FSTL5: variants seen among roughly 807,000 people sequenced by gnomAD.
FSTL5 encodes follistatin like 5, also known as follistatin-related protein 5.
A neutral mutation model predicts 89.1 loss-of-function variants in FSTL5; 62 were observed. The ratio of observed to expected loss-of-function variants is 0.70; its 90% CI spans 0.57 to 0.86. The LOEUF is 0.86. Ranked by LOEUF, FSTL5 falls within the 40% of genes least tolerant of loss-of-function variation. The pLI, the probability that FSTL5 is intolerant of heterozygous loss-of-function variation, is 0.00. For synonymous variants in FSTL5, 383 were observed against 346.2 expected, an observed-to-expected ratio of 1.11 and a Z score of -1.18; for missense variants, 1,057 against 1,001.6, an observed-to-expected ratio of 1.06 and a Z score of -0.75.
chr4:161,415,466 G>C (rs1304338028), intron 15 of FSTL5, among the ~76,000 whole-genome samples: 1 of 151,966 alleles, frequency 6.6e-6, no homozygotes, highest in East Asian at 1.9e-4. Flanking sequence ...TGTTGGCCAG[G>C]CTGGTCTCGA....
At chr4:161,657,946 T>C (rs986227092) in intron 6 of FSTL5, among the ~76,000 whole-genome samples, 2 of 152,170 alleles carry the variant, frequency 1.3e-5, no homozygotes, top group Non-Finnish European at 2.9e-5. Context: ...GTTATCATTG[T>C]TTTGTGTTGT....
chr4:161,614,973 G>T (rs551383264), intron 7 of FSTL5, among the ~76,000 whole-genome samples: 1 of 152,202 alleles, frequency 6.6e-6, no homozygotes, highest in African/African-American at 2.4e-5. Context: ...CAACAAAGAT[G>T]AAGTGATCAG....
chr4:162,138,139 G>T (rs1416318325), intron 1 of FSTL5, among the ~76,000 whole-genome samples: 1 of 152,092 alleles, frequency 6.6e-6, no homozygotes, highest in Non-Finnish European at 1.5e-5. Context: ...ATATATACAT[G>T]TAATATTACT....
chr4:161,561,232 T>C (rs565577431), intron 8 of FSTL5, among the ~76,000 whole-genome samples: 1 of 151,918 alleles, frequency 6.6e-6, no homozygotes, highest in Admixed American at 6.6e-5. Context: ...GATAGATAGA[T>C]GATAGACAGA....
At chr4:161,948,122 TAA>T (rs113818567) in intron 3 of FSTL5, among the ~76,000 whole-genome samples, 1 of 147,944 alleles carries the variant, frequency 6.8e-6, no homozygotes. Context: ...ACAGAAAATT[TAA>T]AAAAAAAAAG....
intron 4 of FSTL5, among the ~76,000 whole-genome samples, chr4:161,881,665 T>G (rs1732638450): frequency 6.6e-6 from 1 of 152,072 alleles, no homozygotes; most frequent in African/African-American, 2.4e-5. Flanking sequence ...CAAGAAGGAC[T>G]TAGGACACTG....
intron 13 of FSTL5, among the ~76,000 whole-genome samples, chr4:161,466,398 C>A (rs374927428): frequency 6.6e-6 from 1 of 152,058 alleles, no homozygotes; most frequent in African/African-American, 2.4e-5. Context: ...ACAGAACTTG[C>A]GGTTTGGTCT....
intron 4 of FSTL5, among the ~76,000 whole-genome samples, chr4:161,818,615 A>G (rs1730400553): frequency 6.6e-6 from 1 of 152,188 alleles, no homozygotes; most frequent in South Asian, 2.1e-4. Context: ...GGGGCATTGT[A>G]GAAGTGAGCC....
chr4:161,797,241 A>T (rs545741399), intron 4 of FSTL5, among the ~76,000 whole-genome samples: 4 of 151,684 alleles, frequency 2.6e-5, no homozygotes, highest in African/African-American at 9.6e-5. Flanking sequence ...CTGAGGGTTG[A>T]CTTTTTTTAC....
intron 3 of FSTL5, among the ~76,000 whole-genome samples, chr4:161,987,457 T>C (rs2111066245): frequency 6.8e-6 from 1 of 146,064 alleles, no homozygotes; most frequent in African/African-American, 2.5e-5. Context: ...AACAGCTCAC[T>C]TTATATATAT....
chr4:161,674,419 A>G (rs772639998), intron 6 of FSTL5, among the ~76,000 whole-genome samples: 10 of 152,172 alleles, frequency 6.6e-5, no homozygotes, highest in Non-Finnish European at 1.5e-4. Flanking sequence ...CACATCACCC[A>G]TTGGTTTCTT....
At chr4:161,876,511 A>G (rs1732447412) in intron 4 of FSTL5, among the ~76,000 whole-genome samples, 1 of 152,198 alleles carries the variant, frequency 6.6e-6, no homozygotes, top group Admixed American at 6.5e-5. Flanking sequence ...GTTACAATGT[A>G]GTTTTTACAT....
chr4:161,976,717 G>T (rs772526318), intron 3 of FSTL5, among the ~76,000 whole-genome samples: 14 of 151,998 alleles, frequency 9.2e-5, no homozygotes, highest in Non-Finnish European at 2.1e-4. Context: ...TCCTGACCTC[G>T]TGATCCACCC....
chr4:161,527,859 G>A (rs1249627015), intron 10 of FSTL5, among the ~76,000 whole-genome samples: 13 of 150,618 alleles, frequency 8.6e-5, no homozygotes, highest in South Asian at 8.4e-4. Context: ...TGTTTGTTGC[G>A]GCACTATTCA....
intron 6 of FSTL5, among the ~76,000 whole-genome samples, chr4:161,751,546 G>C (rs1278332058): frequency 3.3e-5 from 5 of 152,206 alleles, no homozygotes; most frequent in Non-Finnish European, 2.9e-5. Context: ...CCAGCACTTT[G>C]GGAGGCTCAC....
At chr4:161,471,236 C>T (rs1265391900) in intron 13 of FSTL5, among the ~76,000 whole-genome samples, 2 of 152,128 alleles carry the variant, frequency 1.3e-5, no homozygotes, top group Non-Finnish European at 2.9e-5. Context: ...TCTTCCCATT[C>T]CTAGTTTTTT....
chr4:161,485,384 C>T (rs1213226615), intron 12 of FSTL5, among the ~76,000 whole-genome samples: 1 of 152,166 alleles, frequency 6.6e-6, no homozygotes, highest in Non-Finnish European at 1.5e-5. Flanking sequence ...ATTCTGATTG[C>T]CTAATTACTA....
At chr4:161,843,774 C>T (rs1407424611) in intron 4 of FSTL5, among the ~76,000 whole-genome samples, 2 of 152,098 alleles carry the variant, frequency 1.3e-5, no homozygotes, top group African/African-American at 4.8e-5. Flanking sequence ...CTTCCTTACA[C>T]CTTTTACAAA....
chr4:161,914,973 T>C (rs568863148), intron 4 of FSTL5, among the ~76,000 whole-genome samples: 17 of 152,172 alleles, frequency 1.1e-4, no homozygotes, highest in Admixed American at 2.0e-4. Context: ...CTATTAAAAG[T>C]AAAATGTATT....
Sources: gnomAD v4.1 joint callset for allele counts (sites outside exome capture counted in the v4.1 genomes callset) on GRCh38, gnomAD v4.1.1 for gene constraint, MANE v1.5 for transcripts, NCBI Gene and HGNC (gene_info 2026-07-23, HGNC 2026-07-21) for gene names.